TENM2: variants seen among roughly 807,000 people sequenced by gnomAD.
The protein encoded by TENM2 is teneurin-2.
Under a neutral mutation model 245.2 loss-of-function variants are expected in TENM2, and 52 were observed. The ratio of observed to expected loss-of-function variants is 0.21; its 90% CI spans 0.17 to 0.27. The LOEUF is 0.27. Among genes scored for constraint, TENM2 ranks in the 10% least tolerant of loss-of-function variants. The pLI, the probability that TENM2 is intolerant of heterozygous loss-of-function variation, is 1.00. For missense variants in TENM2, 3,046 were observed against 3,666.8 expected (o/e 0.83, Z 4.37); for synonymous variants, 1,363 against 1,438.9 (o/e 0.95, Z 1.19).
chr5:167,948,805 A>G (rs1186481871), intron 3 of TENM2: 12 of 152,228 alleles, frequency 7.9e-5, no homozygotes, highest in Admixed American at 7.9e-4. Flanking sequence ...CAATAAATGT[A>G]TGGAACTTAC....
At chr5:167,558,595 A>C (rs1773397455) in intron 2 of TENM2, among the ~76,000 whole-genome samples, 1 of 152,180 alleles carries the variant, frequency 6.6e-6, no homozygotes, top group African/African-American at 2.4e-5. Flanking sequence ...CATGGGATCT[A>C]GGTTGTGCAT....
rs369023821 is a variant in TENM2 at position 167,954,183 on chromosome 5, T to TCACACA, written c.947+1374_947+1379dup. On this transcript the variant is annotated intron_variant, in intron 4 of 28. Transcript: ENST00000518659. Reference sequence around the variant, plus strand: ...AACGTGTGTGCACACACACACTCACTCACACACACACACACACAAACAAAC... The same window carrying TCACACA: ...AACGTGTGTGCACACACACACTCACTCACACACACACACACACACACACAAACAAAC... 2.0e-5 allele frequency among the ~76,000 whole-genome samples: 3 copies of TCACACA among 149,152 alleles called. No individual in the cohort carries two copies. The South Asian group carries it at 6.4e-4, about 32-fold the overall frequency.
the TENM2 span, among the ~76,000 whole-genome samples, chr5:167,073,063 T>C: frequency 6.6e-6 from 1 of 152,232 alleles, no homozygotes; most frequent in Non-Finnish European, 1.5e-5. Context: ...TTTTATACCA[T>C]ATTTTACATT....
At chr5:167,502,420 CT>C (rs1209191293) in intron 2 of TENM2, among the ~76,000 whole-genome samples, 7 of 152,132 alleles carry the variant, frequency 4.6e-5, no homozygotes, top group Admixed American at 2.6e-4. Context: ...TAAAATGCCA[CT>C]TTTAGATTAC....
chr5:167,852,299 G>A (rs1369097918), intron 2 of TENM2, among the ~76,000 whole-genome samples: 2 of 152,184 alleles, frequency 1.3e-5, no homozygotes, highest in Non-Finnish European at 2.9e-5. Context: ...ATATCATTAA[G>A]CATATGCCAA....
At position 167,558,493 on chromosome 5, in the gene TENM2, A is replaced by G. The variant is rs956397213; in HGVS notation, c.502+183020A>G. Among the ~76,000 whole-genome samples, 7 of 152,308 alleles carry G rather than the reference A, an allele frequency of 4.6e-5. No homozygotes were observed. In the East Asian group the frequency reaches 1.4e-3, roughly 30 times the overall value. ...GGCTGCATGGCAGGAGTGGCAGGTGAGTGAGCGAAGCTGAGCTCCACCTCC... is the reference window on the plus strand; with the variant it reads ...GGCTGCATGGCAGGAGTGGCAGGTGGGTGAGCGAAGCTGAGCTCCACCTCC... On this transcript the variant is annotated intron_variant, in intron 2 of 28. Transcript: ENST00000518659.
Position 167,310,207 on chromosome 5 carries a change from T to C in TENM2, c.226+25144T>C, listed in dbSNP as rs575350837. Among the ~76,000 whole-genome samples the C allele has an allele frequency of 3.3e-5, 5 of 152,378 alleles. 1 individual carries two copies. The South Asian group carries it at 8.3e-4, about 25-fold the overall frequency. ...TATTACAAGATGCTGTTATGAGTTATAGCAGCTTTCCTTATGCTCTACGGC... is the reference window on the plus strand; with the variant it reads ...TATTACAAGATGCTGTTATGAGTTACAGCAGCTTTCCTTATGCTCTACGGC... On this transcript the variant is annotated intron_variant, in intron 1 of 28. Coordinates refer to ENST00000518659, the Ensembl canonical transcript of TENM2.
chr5:168,008,165 G>A (rs547730000), intron 5 of TENM2, among the ~76,000 whole-genome samples: 209 of 152,276 alleles, frequency 1.4e-3, no homozygotes, highest in Non-Finnish European at 2.6e-3. Context: ...GTTCTAGGCC[G>A]ACCCAGACCT....
intron 2 of TENM2, among the ~76,000 whole-genome samples, chr5:167,591,869 A>G (rs1400950615): frequency 6.6e-6 from 1 of 152,212 alleles, no homozygotes; most frequent in East Asian, 1.9e-4. Context: ...CATCTAAACA[A>G]TGGTGCAATA....
chr5:168,183,093 G>A (rs1489751034), intron 13 of TENM2, among the ~76,000 whole-genome samples: 1 of 152,122 alleles, frequency 6.6e-6, no homozygotes, highest in African/African-American at 2.4e-5. Context: ...GCTTCTCAAA[G>A]TGCTGGGATT....
At chr5:168,169,980 G>A (rs1187361549) in intron 13 of TENM2, among the ~76,000 whole-genome samples, 1 of 152,182 alleles carries the variant, frequency 6.6e-6, no homozygotes, top group Admixed American at 6.5e-5. Context: ...TGGCCTTGAG[G>A]ACACTGCCAG....
chr5:168,038,338 A>G (rs247993), intron 5 of TENM2, among the ~76,000 whole-genome samples: 28,599 of 151,782 alleles, frequency 0.19, 2,813 homozygotes, highest in South Asian at 0.31. Flanking sequence ...TGTGCCGGTT[A>G]CCCCCACCCA....
chr5:167,236,033 T>G, the TENM2 span, among the ~76,000 whole-genome samples: 2 of 152,086 alleles, frequency 1.3e-5, no homozygotes, highest in Non-Finnish European at 2.9e-5. Context: ...ACCTCACAAA[T>G]TCCAAATTAG....
At chr5:167,200,158 T>G in the TENM2 span, among the ~76,000 whole-genome samples, 1 of 151,036 alleles carries the variant, frequency 6.6e-6, no homozygotes. Flanking sequence ...TCCCCCTTTG[T>G]GTGTGTGTGT....
intron 1 of TENM2, among the ~76,000 whole-genome samples, chr5:167,294,850 T>C (rs1754854219): frequency 6.6e-6 from 1 of 152,208 alleles, no homozygotes; most frequent in South Asian, 2.1e-4. Context: ...ATTGCAAAAA[T>C]ATCACGGATC....
the TENM2 span, among the ~76,000 whole-genome samples, chr5:167,161,939 C>T: frequency 2.6e-5 from 4 of 152,020 alleles, no homozygotes; most frequent in Admixed American, 6.6e-5. Flanking sequence ...GAGGCTGAGG[C>T]GGGCAGATCA....
the TENM2 span, among the ~76,000 whole-genome samples, chr5:167,050,092 A>G: frequency 2.8e-4 from 43 of 152,254 alleles, no homozygotes; most frequent in African/African-American, 9.4e-4. Flanking sequence ...CAACCTGGCT[A>G]GTACTTAGAG....
chr5:167,347,446 G>A (rs183718207), intron 1 of TENM2, among the ~76,000 whole-genome samples: 8 of 152,248 alleles, frequency 5.3e-5, no homozygotes, highest in Admixed American at 5.2e-4. Context: ...GTCTACATTG[G>A]CAAATATTTT....
At chr5:167,121,178 G>T in the TENM2 span, among the ~76,000 whole-genome samples, 1 of 151,902 alleles carries the variant, frequency 6.6e-6, no homozygotes, top group Non-Finnish European at 1.5e-5. Flanking sequence ...AACACAGATG[G>T]GGCCCCTGCT....
Sources: allele counts gnomAD v4.1 joint callset (sites outside exome capture counted in the v4.1 genomes callset), GRCh38; gene constraint gnomAD v4.1.1; transcripts MANE v1.5; gene names NCBI Gene and HGNC (gene_info 2026-07-23, HGNC 2026-07-21).